GRIN2A: variants seen among roughly 807,000 people sequenced by gnomAD.
GRIN2A encodes glutamate ionotropic receptor NMDA type subunit 2A, also known as glutamate receptor ionotropic, NMDA 2A.
In GRIN2A, 22 loss-of-function variants were observed where a neutral mutation model predicts 113.4. The ratio of observed to expected loss-of-function variants is 0.19; its 90% CI spans 0.14 to 0.28. The LOEUF is 0.28. Among genes scored for constraint, GRIN2A ranks in the 10% least tolerant of loss-of-function variants. The probability of loss-of-function intolerance (pLI) is 1.00; values close to 1 mark genes in which losing one functional copy is unlikely to be tolerated. For missense variants in GRIN2A, 1,502 were observed against 1,887.0 expected, an observed-to-expected ratio of 0.80 and a Z score of 3.78; for synonymous variants, 827 against 738.4, an observed-to-expected ratio of 1.12 and a Z score of -1.94.
At chr16:9,815,040 A>T (rs11644808) in intron 10 of GRIN2A, among the ~76,000 whole-genome samples, 29,562 of 148,326 alleles carry the variant, frequency 0.2, 3,407 homozygotes, top group Non-Finnish European at 0.26. Flanking sequence ...AAAAAAAAAA[A>T]GGTACATTCC....
At chr16:9,926,128 C>G (rs2044459141) in intron 3 of GRIN2A, among the ~76,000 whole-genome samples, 2 of 152,186 alleles carry the variant, frequency 1.3e-5, no homozygotes, top group South Asian at 4.1e-4. Flanking sequence ...AAGGGGAACT[C>G]TCCTTGGGTA....
intron 3 of GRIN2A, among the ~76,000 whole-genome samples, chr16:9,895,314 C>A (rs918741928): frequency 8.5e-5 from 13 of 152,162 alleles, no homozygotes; most frequent in Admixed American, 2.6e-4. Context: ...CTTGCTCATG[C>A]ACATGGAGAA....
rs577403571 is a variant in GRIN2A, at chr16:10,034,011, G to T, written c.415-95460C>A. 1.1e-4 allele frequency among the ~76,000 whole-genome samples: 16 copies of T among 152,224 alleles called. No individual in the cohort carries two copies. The South Asian group carries it at 2.9e-3, about 28-fold the overall frequency. Reference sequence around the variant, plus strand: ...CTCTTCTTTTTTTCCTATCAACCGGGCCAAACAACCAGCAAGGAACACCTG... The same window carrying T: ...CTCTTCTTTTTTTCCTATCAACCGGTCCAAACAACCAGCAAGGAACACCTG... On this transcript the variant is annotated intron_variant, in intron 2 of 12. Coordinates refer to ENST00000330684, the MANE Select transcript of GRIN2A (RefSeq NM_001134407.3).
chr16:9,815,627 C>T (rs1432405635), intron 10 of GRIN2A, among the ~76,000 whole-genome samples: 4 of 152,110 alleles, frequency 2.6e-5, no homozygotes, highest in Non-Finnish European at 5.9e-5. Context: ...CAGAAAACAA[C>T]AAGTATTGGC....
chr16:9,826,777 C>T (rs1373233857), intron 9 of GRIN2A, among the ~76,000 whole-genome samples: 1 of 152,154 alleles, frequency 6.6e-6, no homozygotes, highest in Non-Finnish European at 1.5e-5. Flanking sequence ...GATATGGTAT[C>T]TGTTACTGGG....
At chr16:9,766,186 T>A (rs1900912955) in intron 12 of GRIN2A, among the ~76,000 whole-genome samples, 1 of 151,928 alleles carries the variant, frequency 6.6e-6, no homozygotes, top group Non-Finnish European at 1.5e-5. Flanking sequence ...TATGAAGGGG[T>A]TTGTAGGGCA....
chr16:10,140,339 G>C lies in GRIN2A; in HGVS notation c.414+39659C>G, dbSNP rs1043795876. On this transcript the variant is annotated intron_variant, in intron 2 of 12. Transcript: ENST00000330684. The stretch of plus-strand genomic sequence containing the variant: ...AGAGTCCCTGGTGAAGAAAAGGTGA[G>C]GAACTTCAGAAGAATTCAGGCCCAA... Among the ~76,000 whole-genome samples the C allele has an allele frequency of 5.9e-5, 9 of 152,050 alleles. 1 individual carries two copies. Among genetic ancestry groups the C allele is most frequent in the African/African-American group, 2.2e-4 (9 of 41,416 alleles).
chr16:10,074,946 G>A (rs1298716056), intron 2 of GRIN2A, among the ~76,000 whole-genome samples: 1 of 152,056 alleles, frequency 6.6e-6, no homozygotes, highest in Non-Finnish European at 1.5e-5. Context: ...CTCCTTGCTG[G>A]CCTAAGTGCT....
In GRIN2A at chr16:10,180,369, G is replaced by A; in HGVS notation, c.43C>T (p.Leu15Phe). The A allele has an allele frequency of 6.2e-7, 1 of 1,608,128 alleles. No individual in the cohort carries two copies. The highest frequency in any genetic ancestry group is 1.3e-5 in the African/African-American group (1 of 75,062). ...GYWTLLVLPA[L>F]LVWRGPAPSA... Reference sequence around the variant, plus strand: ...GGCGCCGGACCGCGCCAGACCAGAAGGGCCGGCAGCACCAGCAGGGTCCAA... The same window carrying A: ...GGCGCCGGACCGCGCCAGACCAGAAAGGCCGGCAGCACCAGCAGGGTCCAA... Residue 15 changes from leucine (L) to phenylalanine (F), a missense_variant, in exon 2 of 13, where the codon CTT becomes TTT. This residue lies in a region of GRIN2A where 149 missense variants were observed against 179.1 expected (regional missense o/e 0.83). Coordinates refer to ENST00000330684, the MANE Select transcript of GRIN2A (RefSeq NM_001134407.3). This position sits in a 1 kb window ranked among gnomAD's most constrained non-coding sequence, Gnocchi z 7.0.
At chr16:9,959,835 GTGGTGGCGCA>G (rs2045396444) in intron 2 of GRIN2A, among the ~76,000 whole-genome samples, 1 of 152,176 alleles carries the variant, frequency 6.6e-6, no homozygotes, top group African/African-American at 2.4e-5. Context: ...CTACCTGGGC[GTGGTGGCGCA>G]TGCCTGTGAT....
intron 3 of GRIN2A, among the ~76,000 whole-genome samples, chr16:9,904,148 A>C (rs536043378): frequency 2.0e-5 from 3 of 152,312 alleles, no homozygotes; most frequent in Non-Finnish European, 4.4e-5. Flanking sequence ...CGCTGTTTTC[A>C]CCAGTTCAGG....
chr16:9,888,323 G>A (rs1407180543), intron 4 of GRIN2A, among the ~76,000 whole-genome samples: 1 of 152,138 alleles, frequency 6.6e-6, no homozygotes, highest in South Asian at 2.1e-4. Context: ...CTGCTTAATG[G>A]TTTTTCATAT....
rs546740419 is a variant in GRIN2A, at chr16:9,820,699, C to T, written c.2168+1565G>A. Among the ~76,000 whole-genome samples the T allele has an allele frequency of 8.5e-5, 13 of 152,118 alleles. No individual in the cohort carries two copies. The Middle Eastern group carries it at 0.01, about 119-fold the overall frequency. On this transcript the variant is annotated intron_variant, in intron 10 of 12. Coordinates refer to ENST00000330684, the MANE Select transcript of GRIN2A (RefSeq NM_001134407.3). ...TAAAACAGCAGGCACCAAGAATCTACGGCTTTAGAAGTGCAGGTGGCGGGT... is the reference window on the plus strand; with the variant it reads ...TAAAACAGCAGGCACCAAGAATCTATGGCTTTAGAAGTGCAGGTGGCGGGT...
chr16:9,863,908 T>C (rs767176849), intron 4 of GRIN2A, among the ~76,000 whole-genome samples: 3 of 152,106 alleles, frequency 2.0e-5, no homozygotes, highest in Non-Finnish European at 4.4e-5. Context: ...TGCATATAGG[T>C]CTGCAAAAAA....
At chr16:10,171,466 G>A (rs1070504) in intron 2 of GRIN2A, 149,395 of 152,352 alleles carry the variant, frequency 0.98, 73,311 homozygotes, top group East Asian at 1. Context: ...GTCTTCTCCT[G>A]CGATCACTTT....
At chr16:10,158,709 G>A (rs59433625) in intron 2 of GRIN2A, among the ~76,000 whole-genome samples, 3,956 of 152,196 alleles carry the variant, frequency 0.026, 74 homozygotes, top group African/African-American at 0.046. Context: ...CATCTAGAAC[G>A]AGTAAATCCA....
intron 2 of GRIN2A, among the ~76,000 whole-genome samples, chr16:10,125,215 C>T (rs1233430283): frequency 3.9e-5 from 6 of 152,324 alleles, no homozygotes; most frequent in African/African-American, 1.2e-4. Context: ...AGAACTTGAC[C>T]TCTTGACGCC....
intron 4 of GRIN2A, among the ~76,000 whole-genome samples, chr16:9,889,441 ATGGCTTG>A (rs1195800998): frequency 5.9e-5 from 9 of 151,968 alleles, no homozygotes; most frequent in Admixed American, 1.3e-4. Flanking sequence ...ATTTTTTTCT[ATGGCTTG>A]TGTTCCACCT....
chr16:9,817,775 A>C (rs1379556070), intron 10 of GRIN2A, among the ~76,000 whole-genome samples: 1 of 152,164 alleles, frequency 6.6e-6, no homozygotes, highest in Non-Finnish European at 1.5e-5. Flanking sequence ...AATTTCACTG[A>C]CCCTGGTGTG....
Sources: gnomAD v4.1 joint callset for allele counts (sites outside exome capture counted in the v4.1 genomes callset) on GRCh38, gnomAD v4.1.1 for gene constraint, gnomAD v4.1.1 regional missense constraint, Gnocchi (gnomAD v3.1) non-coding constraint, MANE v1.5 for transcripts, NCBI Gene and HGNC (gene_info 2026-07-23, HGNC 2026-07-21) for gene names.